Variants in RFC4 observed in about 807,000 individuals in gnomAD.
The protein encoded by RFC4 is A1 37 kDa subunit.
RFC4 carries 38 observed loss-of-function variants against 47.6 expected under a neutral mutation model. That is an observed-to-expected ratio of 0.80 (90% CI 0.62 to 1.05). The LOEUF (loss-of-function observed/expected upper bound fraction) is 1.05. Among genes scored for constraint, RFC4 ranks in the 50% least tolerant of loss-of-function variants. The pLI is 0.00. For missense variants in RFC4, 489 were observed against 434.0 expected (o/e 1.13, Z -1.13); for synonymous variants, 164 against 150.0 (o/e 1.09, Z -0.68).
chr3:186,803,849 C>G (rs1393425063), intron 2 of RFC4, among the ~76,000 whole-genome samples: 4 of 151,902 alleles, frequency 2.6e-5, no homozygotes, highest in African/African-American at 7.3e-5. Context: ...AATGCTAATT[C>G]AAGTGTTGTT....
intron 2 of RFC4, among the ~76,000 whole-genome samples, chr3:186,804,025 TA>T (rs1722420181): frequency 6.6e-6 from 1 of 151,834 alleles, no homozygotes; most frequent in African/African-American, 2.4e-5. Flanking sequence ...CTACTAAAAA[TA>T]CAAAAAATTA....
chr3:186,797,671 AG>A (rs1326808898), intron 3 of RFC4, 57 bp from the exon 4 acceptor site: 1 of 1,235,620 alleles, frequency 8.1e-7, no homozygotes, highest in African/African-American at 1.5e-5. Flanking sequence ...ATAGATGAAA[AG>A]GAAGATCGAA....
chr3:186,794,955 T>C (rs1722213877), intron 4 of RFC4, 178 bp from the exon 5 acceptor site: 1 of 602,728 alleles, frequency 1.7e-6, no homozygotes, highest in Non-Finnish European at 2.8e-6. Flanking sequence ...TTTTGGCTTT[T>C]TTCCATGCAT....
intron 1 of RFC4, chr3:186,805,423 T>C (rs1722457044): frequency 6.6e-6 from 1 of 152,394 alleles, no homozygotes; most frequent in Non-Finnish European, 1.5e-5. Flanking sequence ...GGTTTCACCA[T>C]GTTGCCTAGG....
In RFC4 at chr3:186,793,907, A is replaced by G. The variant is rs266751; in HGVS notation, c.410+751T>C. Among the ~76,000 whole-genome samples the G allele has an allele frequency of 0.19, 29,529 of 151,866 alleles. 3,080 individuals carry two copies. Among genetic ancestry groups the G allele is most frequent in the Non-Finnish European group, 0.23 (15,948 of 67,874 alleles). ...CCAGCTAATTTTTTGTATTTTTAGT[A>G]GAGATGGGGTTTCACCATGTTCGCC... On this transcript the variant is annotated intron_variant, in intron 5 of 10. Transcript: ENST00000296273. The surrounding 1 kb of genome is among the most constrained non-coding windows in gnomAD (Gnocchi z 4.2).
rs777723840 is a variant in RFC4 at position 186,797,558 on chromosome 3, C to T, written c.267G>A (p.Leu89=). Residue 89 remains leucine (L), a synonymous_variant, in exon 4 of 11, where the codon TTG becomes TTA. Transcript: ENST00000296273. The stretch of plus-strand genomic sequence containing the variant: ...ACCCAAAGAGTTCTCTAGCTGCTGC[C>T]AAAATAGTGGATGTTTTTCCAGTTC... ...PPGTGKTSTI[L]AAARELFGPE... 106 of 1,610,708 alleles carry T rather than the reference C, an allele frequency of 6.6e-5. No individual in the cohort carries two copies. The highest frequency in any genetic ancestry group is 1.6e-4 in the Middle Eastern group (1 of 6,072).
chr3:186,790,996 TAAG>T (rs1463116613), intron 8 of RFC4, among the ~76,000 whole-genome samples: 13 of 152,188 alleles, frequency 8.5e-5, no homozygotes, highest in Admixed American at 2.6e-4. Flanking sequence ...CAAAAGTTGT[TAAG>T]TAGTAGTGAT....
At chr3:186,798,144 T>G (rs528375833) in intron 3 of RFC4, among the ~76,000 whole-genome samples, 1 of 152,082 alleles carries the variant, frequency 6.6e-6, no homozygotes, top group African/African-American at 2.4e-5. Flanking sequence ...AAACTAGATA[T>G]ATATTAAGTA....
intron 1 of RFC4, chr3:186,805,580 G>C (rs945610453): frequency 6.6e-6 from 1 of 152,142 alleles, no homozygotes; most frequent in African/African-American, 2.4e-5. Context: ...TTTCTGTGGG[G>C]AAGGGAAGGT....
Position 186,792,516 on chromosome 3 carries a change from T to C in RFC4, c.649A>G (p.Lys217Glu). ...QQQRLLDIAK[K>E]ENVKISDEGI... ...TCATCACTAATTTTGACATTTTCCT[T>C]CTTGGCAATGTCTAGTAATCGCTGC... Residue 217 changes from lysine (K) to glutamate (E), a missense_variant, in exon 7 of 11, where the codon AAG (lysine) becomes GAG (glutamate). Coordinates refer to ENST00000296273, the MANE Select transcript of RFC4 (RefSeq NM_002916.5). 1 of 1,612,842 alleles carries C rather than the reference T, an allele frequency of 6.2e-7. No individual in the cohort carries two copies. Among genetic ancestry groups the C allele is most frequent in the Non-Finnish European group, 8.5e-7 (1 of 1,178,910 alleles).
intron 8 of RFC4, 45 bp downstream of exon 8, chr3:186,791,680 A>G (rs780083087): frequency 1.3e-6 from 2 of 1,596,636 alleles, no homozygotes; most frequent in Non-Finnish European, 1.7e-6. Flanking sequence ...TAAAAGCCAC[A>G]AAAAAGCCAA....
rs1245821771 is a variant in RFC4, at chr3:186,791,460, ACT to A, written c.801+263_801+264del. 3.8e-4 allele frequency: 153 copies of A among 403,468 alleles called. 1 individual carries two copies. Among genetic ancestry groups the A allele is most frequent in the African/African-American group, 1.9e-4 (9 of 48,084 alleles). The allele number at this position is 403,468 out of a possible 1,614,324, so 25.0% of individuals were successfully genotyped here. On this transcript the variant is annotated intron_variant, in intron 8 of 10. Coordinates refer to ENST00000296273, the MANE Select transcript of RFC4 (RefSeq NM_002916.5). ...ACTCCAGCCTGGGCGACACAGCAAG[ACT>A]CTGTCTCAAAAAAAAAAAAACAAAA... is the stretch of plus-strand genomic sequence containing the variant.
Position 186,802,024 on chromosome 3 carries a change from A to C in RFC4, c.132-829T>G, listed in dbSNP as rs1293165463. 1.2e-4 allele frequency among the ~76,000 whole-genome samples: 4 copies of C among 34,096 alleles called. No individual in the cohort carries two copies. In the Admixed American group the frequency reaches 1.2e-3, roughly 11 times the overall value. The allele number at this position is 34,096 out of a possible 152,430, so 22.4% of individuals were successfully genotyped here. ...GGTCACAAGAGCGAAACTTTATCTCAAAAAAAAAAAAAAAAAAAAAATTAA... is the reference window on the plus strand; with the variant it reads ...GGTCACAAGAGCGAAACTTTATCTCCAAAAAAAAAAAAAAAAAAAAATTAA... On this transcript the variant is annotated intron_variant, in intron 2 of 10. Transcript: ENST00000296273.
chr3:186,790,705 T>G (rs1262189052), intron 8 of RFC4, among the ~76,000 whole-genome samples: 1 of 152,228 alleles, frequency 6.6e-6, no homozygotes, highest in Non-Finnish European at 1.5e-5. Context: ...CCCTAGCGGC[T>G]ATAACGATTC....
chr3:186,794,123 A>G (rs1337849126), intron 5 of RFC4, among the ~76,000 whole-genome samples: 1 of 152,198 alleles, frequency 6.6e-6, no homozygotes, highest in African/African-American at 2.4e-5. Flanking sequence ...TGATTTGTAA[A>G]TATTTTCTCC....
chr3:186,792,642 C>A, intron 6 of RFC4, 32 bp from the exon 7 acceptor site: 5 of 1,592,050 alleles, frequency 3.1e-6, no homozygotes, highest in South Asian at 1.1e-5. Context: ...AAGTTGGTGT[C>A]TAAAGAAAGA....
intron 3 of RFC4, among the ~76,000 whole-genome samples, chr3:186,799,592 A>T (rs1218131952): frequency 6.6e-6 from 1 of 152,156 alleles, no homozygotes; most frequent in Non-Finnish European, 1.5e-5. Context: ...GCATGCCTGT[A>T]GTCCCAGCTA....
intron 3 of RFC4, among the ~76,000 whole-genome samples, chr3:186,799,225 A>T (rs1240838365): frequency 1.3e-5 from 2 of 152,214 alleles, no homozygotes; most frequent in Non-Finnish European, 2.9e-5. Context: ...TACATTCAAG[A>T]ACTGTATGTG....
chr3:186,800,871 A>G (rs556984056), intron 3 of RFC4, among the ~76,000 whole-genome samples: 1 of 152,168 alleles, frequency 6.6e-6, no homozygotes, highest in Admixed American at 6.5e-5. Context: ...TTCTATGTCT[A>G]TGTTTCATAG....
Sources: gnomAD v4.1 joint callset for allele counts (sites outside exome capture counted in the v4.1 genomes callset) on GRCh38, gnomAD v4.1.1 for gene constraint, Gnocchi (gnomAD v3.1) non-coding constraint, MANE v1.5 for transcripts, NCBI Gene and HGNC (gene_info 2026-07-23, HGNC 2026-07-21) for gene names.